SCEL: variants seen among roughly 807,000 people sequenced by gnomAD.
SCEL encodes the protein sciellin.
In SCEL, 113 loss-of-function variants were observed where a neutral mutation model predicts 117.6. The observed-to-expected ratio is 0.96, with a 90% CI of 0.83 to 1.12. The LOEUF (loss-of-function observed/expected upper bound fraction) is 1.12, where lower values mean the gene tolerates loss of function less well. Ranked by LOEUF, SCEL falls within the 50% of genes most tolerant of loss-of-function variation. The probability of loss-of-function intolerance (pLI) is 0.00; values close to 1 mark genes in which losing one functional copy is unlikely to be tolerated. For synonymous variants in SCEL, 270 were observed against 256.2 expected, an observed-to-expected ratio of 1.05 and a Z score of -0.51; for missense variants, 785 against 810.8, an observed-to-expected ratio of 0.97 and a Z score of 0.39.
intron 1 of SCEL, among the ~76,000 whole-genome samples, chr13:77,553,700 A>C (rs1447883096): frequency 6.6e-6 from 1 of 151,716 alleles, no homozygotes. Flanking sequence ...TACGTCTCCT[A>C]TGTCTTTGCT....
rs990755202 is a variant in SCEL at position 77,539,638 on chromosome 13, C to T, written c.-20+3814C>T. ...CTGCAAGCTCCGCCTCCCGGGTTCA[C>T]ATCATTCTGCCTCAGCCTCCCGAAT... On this transcript the variant is annotated intron_variant, in intron 1 of 32. Coordinates refer to ENST00000349847, the MANE Select transcript of SCEL (RefSeq NM_144777.3). Among the ~76,000 whole-genome samples, 29 of 152,020 alleles carry T rather than the reference C, an allele frequency of 1.9e-4. 1 individual carries two copies. The highest frequency in any genetic ancestry group is 7.0e-4 in the African/African-American group (29 of 41,388).
rs1444933113 is a variant in SCEL, at chr13:77,610,046, G to A, written c.1278-1G>A. ...CTGATCTGATTTTCTATGTTTTTAA[G>A]GGGCCAAAGTCTCGACAGCCTCATT... is the stretch of plus-strand genomic sequence containing the variant. On this transcript the variant is annotated splice_acceptor_variant, in intron 21 of 32. Coordinates refer to ENST00000349847, the MANE Select transcript of SCEL (RefSeq NM_144777.3). LOFTEE classifies it high-confidence loss of function. The A allele has an allele frequency of 7.5e-6, 12 of 1,605,646 alleles. No individual in the cohort carries two copies. The highest frequency in any genetic ancestry group is 1.0e-5 in the Non-Finnish European group (12 of 1,175,300).
At chr13:77,613,091 C>A in intron 23 of SCEL, 150 bp downstream of exon 23, 1 of 547,266 alleles carries the variant, frequency 1.8e-6, no homozygotes. Context: ...ATAGATTTTT[C>A]TGTCTATTAT....
intron 1 of SCEL, among the ~76,000 whole-genome samples, chr13:77,541,705 G>T (rs1404041601): frequency 6.6e-6 from 1 of 152,072 alleles, no homozygotes; most frequent in African/African-American, 2.4e-5. Flanking sequence ...AAAGGTGTCT[G>T]ATTTTTTTTT....
intron 5 of SCEL, among the ~76,000 whole-genome samples, chr13:77,565,614 A>G (rs2085245764): frequency 6.6e-6 from 1 of 152,220 alleles, no homozygotes; most frequent in Admixed American, 6.5e-5. Context: ...AAAATGTAAG[A>G]CATGAAATAA....
In SCEL at chr13:77,564,929, G is replaced by A. The variant is rs1020199745; in HGVS notation, c.290+1030G>A. Among the ~76,000 whole-genome samples the A allele has an allele frequency of 3.9e-5, 6 of 152,172 alleles. No individual in the cohort carries two copies. The South Asian group carries it at 1.2e-3, about 32-fold the overall frequency. On this transcript the variant is annotated intron_variant, in intron 5 of 32. Coordinates refer to ENST00000349847, the MANE Select transcript of SCEL (RefSeq NM_144777.3). ...AAATTATCATCCTTGTCAAAAATGA[G>A]TTTGTAGTATATGTACAAGATCTCA... is the stretch of plus-strand genomic sequence containing the variant.
chr13:77,638,359 T>A (rs922934080), intron 30 of SCEL, among the ~76,000 whole-genome samples: 1 of 152,158 alleles, frequency 6.6e-6, no homozygotes, highest in Admixed American at 6.5e-5. Flanking sequence ...ACTACAGATA[T>A]CATCTGGATA....
At chr13:77,570,024 T>C (rs2154397443) in intron 8 of SCEL, among the ~76,000 whole-genome samples, 1 of 152,306 alleles carries the variant, frequency 6.6e-6, no homozygotes, top group Non-Finnish European at 1.5e-5. Flanking sequence ...CAGAACATGA[T>C]GGTGAAAGAG....
intron 27 of SCEL, among the ~76,000 whole-genome samples, chr13:77,624,791 A>G (rs1197812666): frequency 6.6e-6 from 1 of 152,218 alleles, no homozygotes; most frequent in African/African-American, 2.4e-5. Flanking sequence ...GTCCCTAGAT[A>G]TAGACAGACC....
intron 19 of SCEL, among the ~76,000 whole-genome samples, chr13:77,605,991 AAAT>A (rs375135075): frequency 4.3e-4 from 65 of 152,282 alleles, no homozygotes; most frequent in African/African-American, 1.3e-3. Flanking sequence ...CTGTCTGAAA[AAAT>A]AATAATATTT....
chr13:77,560,986 C>T (rs543839445), intron 4 of SCEL, among the ~76,000 whole-genome samples: 1 of 149,794 alleles, frequency 6.7e-6, no homozygotes, highest in African/African-American at 2.6e-5. Flanking sequence ...GGGTGCTGAG[C>T]TTATAACCTT....
intron 21 of SCEL, among the ~76,000 whole-genome samples, chr13:77,609,430 G>A (rs77476734): frequency 1.3e-3 from 193 of 152,252 alleles, no homozygotes; most frequent in African/African-American, 4.5e-3. Context: ...GAACTAGACC[G>A]GACCCCATAG....
chr13:77,556,555 A>G, intron 2 of SCEL, 41 bp from the exon 3 acceptor site: 2 of 1,543,732 alleles, frequency 1.3e-6, no homozygotes, highest in Non-Finnish European at 1.8e-6. Flanking sequence ...GCTCAACTCC[A>G]CACTATTACA....
intron 1 of SCEL, among the ~76,000 whole-genome samples, chr13:77,544,694 G>A (rs1287344425): frequency 6.6e-6 from 1 of 152,180 alleles, no homozygotes; most frequent in Non-Finnish European, 1.5e-5. Flanking sequence ...GCTGTTATTA[G>A]AGATAGAAAA....
At chr13:77,567,490 A>G (rs923722392) in intron 5 of SCEL, among the ~76,000 whole-genome samples, 190 bp from the exon 6 acceptor site, 2 of 152,106 alleles carry the variant, frequency 1.3e-5, no homozygotes, top group Admixed American at 1.3e-4. Context: ...TATTAAAACA[A>G]CCTCATAAGT....
Position 77,559,817 on chromosome 13 carries a change from G to T in SCEL, c.175G>T (p.Gly59Cys), listed in dbSNP as rs34794176. 9 of 1,613,702 alleles carry T rather than the reference G, an allele frequency of 5.6e-6. No homozygotes were observed. Among genetic ancestry groups the T allele is most frequent in the Non-Finnish European group, 7.6e-6 (9 of 1,179,726 alleles). ...RPEEEKDENY[G>C]RVVLNRHNSH... ...CTTTCTTTGCAGAGATGAAAATTACGGTAGGGTGGTGCTCAACCGACATAA... is the reference window on the plus strand; with the variant it reads ...CTTTCTTTGCAGAGATGAAAATTACTGTAGGGTGGTGCTCAACCGACATAA... Residue 59 changes from glycine (G) to cysteine (C), a missense_variant, in exon 4 of 33, where the codon GGT (glycine) becomes TGT (cysteine). Physicochemically the swap from Gly to Cys is radical, Grantham distance 159. Transcript: ENST00000349847.
At chr13:77,601,801 G>T (rs980254418) in intron 15 of SCEL, among the ~76,000 whole-genome samples, 1 of 152,126 alleles carries the variant, frequency 6.6e-6, no homozygotes. Context: ...CAAAAGCCTT[G>T]GTTAAAACTT....
chr13:77,633,540 A>T (rs899737322), intron 28 of SCEL, among the ~76,000 whole-genome samples: 16 of 151,814 alleles, frequency 1.1e-4, no homozygotes, highest in Non-Finnish European at 1.5e-5. Context: ...AACACAAAAA[A>T]CTTCTAGTGA....
At chr13:77,556,131 T>C (rs1243342255) in intron 2 of SCEL, among the ~76,000 whole-genome samples, 1 of 152,222 alleles carries the variant, frequency 6.6e-6, no homozygotes, top group East Asian at 1.9e-4. Flanking sequence ...TAAAAATATC[T>C]TTTTAAAAAT....
Sources: gnomAD v4.1 joint callset for allele counts (sites outside exome capture counted in the v4.1 genomes callset) on GRCh38, gnomAD v4.1.1 for gene constraint, MANE v1.5 for transcripts, NCBI Gene and HGNC (gene_info 2026-07-23, HGNC 2026-07-21) for gene names.